Variants in SIPA1L3 observed in about 807,000 individuals in gnomAD.
The protein encoded by SIPA1L3 is signal-induced proliferation-associated 1-like protein 3.
Under a neutral mutation model 150.1 loss-of-function variants are expected in SIPA1L3, and 59 were observed. That is an observed-to-expected ratio of 0.39 (90% CI 0.32 to 0.49). The LOEUF (loss-of-function observed/expected upper bound fraction) is 0.49, where lower values mean the gene tolerates loss of function less well. Ranked by LOEUF, SIPA1L3 falls within the 20% of genes least tolerant of loss-of-function variation. SIPA1L3 has a pLI of 0.86. For missense variants in SIPA1L3, 2,211 were observed against 2,489.5 expected (o/e 0.89, Z 2.38); for synonymous variants, 1,070 against 1,077.6 (o/e 0.99, Z 0.14).
intron 2 of SIPA1L3, among the ~76,000 whole-genome samples, chr19:38,063,994 T>C (rs1623935): frequency 0.79 from 120,971 of 152,186 alleles, 48,887 homozygotes; most frequent in African/African-American, 0.94. Context: ...GCCTCTCACC[T>C]GCGCTTTCAG....
intron 16 of SIPA1L3, among the ~76,000 whole-genome samples, chr19:38,184,105 C>T: frequency 6.6e-6 from 1 of 152,150 alleles, no homozygotes; most frequent in East Asian, 1.9e-4. Flanking sequence ...AGGTTCAGTT[C>T]TAAGTGGTTT....
chr19:38,052,822 T>TCCAAGCTTC (rs1568522067), intron 2 of SIPA1L3, among the ~76,000 whole-genome samples: 5 of 151,780 alleles, frequency 3.3e-5, no homozygotes, highest in Non-Finnish European at 7.4e-5. Context: ...GCCGGAGGAG[T>TCCAAGCTTC]CCCCTCCAAG....
At chr19:38,044,068 G>A (rs1266896210) in intron 2 of SIPA1L3, among the ~76,000 whole-genome samples, 1 of 152,300 alleles carries the variant, frequency 6.6e-6, no homozygotes, top group South Asian at 2.1e-4. Context: ...GAGTACTGAT[G>A]GCCTGGATGT....
chr19:38,168,574 T>C (rs1972258445), intron 15 of SIPA1L3, among the ~76,000 whole-genome samples: 1 of 152,038 alleles, frequency 6.6e-6, no homozygotes, highest in African/African-American at 2.4e-5. Flanking sequence ...AGGTCTCGAT[T>C]GCAGTAGCCC....
intron 16 of SIPA1L3, chr19:38,186,308 ATTTAT>A (rs2146032407): frequency 6.6e-6 from 1 of 151,878 alleles, no homozygotes; most frequent in East Asian, 1.9e-4. Context: ...TTATTAATCT[ATTTAT>A]TTTATTTATT....
At chr19:38,055,733 C>T (rs62121420) in intron 2 of SIPA1L3, among the ~76,000 whole-genome samples, 3,574 of 152,344 alleles carry the variant, frequency 0.023, 68 homozygotes, top group Middle Eastern at 0.085. Context: ...CACTGCGGGC[C>T]TGACTTCTGG....
At chr19:38,061,948 A>G (rs1725476) in intron 2 of SIPA1L3, among the ~76,000 whole-genome samples, 37,918 of 150,454 alleles carry the variant, frequency 0.25, 6,267 homozygotes, top group African/African-American at 0.48. Flanking sequence ...CCTGTTTTGG[A>G]TGCTGGAGAT....
At chr19:38,078,571 CAG>C (rs1969906923) in intron 2 of SIPA1L3, among the ~76,000 whole-genome samples, 1 of 150,434 alleles carries the variant, frequency 6.6e-6, no homozygotes, top group African/African-American at 2.5e-5. Context: ...CAGACATACA[CAG>C]AGACACGCAC....
intron 10 of SIPA1L3, among the ~76,000 whole-genome samples, chr19:38,139,492 C>T (rs1423934374): frequency 6.6e-6 from 1 of 152,134 alleles, no homozygotes; most frequent in Non-Finnish European, 1.5e-5. Context: ...TCTGCCCGGG[C>T]CTGGCATGTC....
At chr19:38,154,470 G>A (rs375609308) in intron 13 of SIPA1L3, among the ~76,000 whole-genome samples, 2 of 151,602 alleles carry the variant, frequency 1.3e-5, no homozygotes, top group African/African-American at 2.4e-5. Context: ...TTTTTTAAAC[G>A]GAGTTTCGCT....
At chr19:38,204,897 G>A (rs1486938216) in intron 21 of SIPA1L3, among the ~76,000 whole-genome samples, 1 of 152,246 alleles carries the variant, frequency 6.6e-6, no homozygotes, top group Non-Finnish European at 1.5e-5. Flanking sequence ...ATTGGAGCCA[G>A]CGTGGCTGTC....
chr19:38,200,610 G>A (rs1173067465), intron 19 of SIPA1L3: 2 of 152,196 alleles, frequency 1.3e-5, no homozygotes, highest in African/African-American at 4.8e-5. Flanking sequence ...GAGAATCGGA[G>A]AACATTTGCA....
chr19:38,089,134 A>G (rs1383401463), intron 4 of SIPA1L3, among the ~76,000 whole-genome samples: 2 of 152,050 alleles, frequency 1.3e-5, no homozygotes, highest in South Asian at 2.1e-4. Flanking sequence ...AGCCTGACCA[A>G]CATGGCGAAA....
intron 10 of SIPA1L3, among the ~76,000 whole-genome samples, chr19:38,132,618 A>G (rs1971339526): frequency 6.7e-6 from 1 of 148,542 alleles, no homozygotes. Context: ...GAATTCTCCT[A>G]TTGCATTTGA....
intron 2 of SIPA1L3, among the ~76,000 whole-genome samples, chr19:38,048,181 G>T (rs939353371): frequency 6.6e-6 from 1 of 152,142 alleles, no homozygotes; most frequent in East Asian, 1.9e-4. Context: ...CTGCTTTGTG[G>T]TTCTCAGTCA....
chr19:38,164,913 T>C lies in SIPA1L3; in HGVS notation c.4208+7T>C. 6.6e-7 allele frequency: 1 copy of C among 1,525,168 alleles called. No individual in the cohort carries two copies. The highest frequency in any genetic ancestry group is 8.8e-7 in the Non-Finnish European group (1 of 1,136,644). 94.5% of individuals were successfully genotyped at this position (1,525,168 alleles called of 1,614,324 possible). A position where few individuals can be genotyped will look rare whatever the true frequency, so the allele number is the denominator to read the frequency against. On this transcript the variant is annotated splice_region_variant and intron_variant, in intron 15 of 21. Transcript: ENST00000222345. This position sits in a 1 kb window ranked among gnomAD's most constrained non-coding sequence, Gnocchi z 4.1. Reference sequence around the variant, plus strand: ...ACCCACCGAGGCAGCCCAGGTAAGCTGTTGCACCTAGTCTGGGTTCTAACC... The same window carrying C: ...ACCCACCGAGGCAGCCCAGGTAAGCCGTTGCACCTAGTCTGGGTTCTAACC...
chr19:37,986,794 G>A (rs1030570592), intron 1 of SIPA1L3, among the ~76,000 whole-genome samples: 11 of 152,162 alleles, frequency 7.2e-5, no homozygotes, highest in Non-Finnish European at 1.3e-4. Context: ...TTAGCTGCCT[G>A]ATGTGCCTTC....
intron 15 of SIPA1L3, among the ~76,000 whole-genome samples, chr19:38,182,098 G>A (rs1275380859): frequency 7.2e-6 from 1 of 139,262 alleles, no homozygotes; most frequent in East Asian, 2.1e-4. Context: ...CTGAGATCGC[G>A]CCACTGCATT....
intron 4 of SIPA1L3, among the ~76,000 whole-genome samples, chr19:38,099,268 T>G (rs1296273492): frequency 6.6e-6 from 1 of 151,990 alleles, no homozygotes; most frequent in Non-Finnish European, 1.5e-5. Context: ...ACTCCTGACC[T>G]CAAGTGATCC....
Sources: gnomAD v4.1 joint callset for allele counts (sites outside exome capture counted in the v4.1 genomes callset) on GRCh38, gnomAD v4.1.1 for gene constraint, Gnocchi (gnomAD v3.1) non-coding constraint, MANE v1.5 for transcripts, NCBI Gene and HGNC (gene_info 2026-07-23, HGNC 2026-07-21) for gene names.